The following CAB39 variants were observed in gnomAD, a reference collection of about 807,000 sequenced individuals.
CAB39 encodes the protein calcium binding protein 39.
CAB39 carries 8 observed loss-of-function variants against 40.0 expected under a neutral mutation model. The observed-to-expected ratio is 0.20, with a 90% CI of 0.12 to 0.36. The LOEUF (loss-of-function observed/expected upper bound fraction) is 0.36. Ranked by LOEUF, CAB39 falls within the 10% of genes least tolerant of loss-of-function variation. CAB39 has a pLI of 1.00. For missense variants in CAB39, 270 were observed against 401.1 expected, an observed-to-expected ratio of 0.67 and a Z score of 2.79; for synonymous variants, 156 against 141.6, an observed-to-expected ratio of 1.10 and a Z score of -0.72.
At chr2:230,773,349 T>TGTGTG (rs1553673089) in intron 2 of CAB39, among the ~76,000 whole-genome samples, 5 of 150,456 alleles carry the variant, frequency 3.3e-5, no homozygotes, top group Admixed American at 6.7e-5. Context: ...TGTGTGTGTG[T>TGTGTG]TACATTAGGT....
chr2:230,807,058 T>C (rs1187153433), intron 5 of CAB39, among the ~76,000 whole-genome samples: 1 of 152,290 alleles, frequency 6.6e-6, no homozygotes. Flanking sequence ...TGGCATAGAC[T>C]GGAATTCAGA....
In CAB39 at chr2:230,809,709, C is replaced by T. The variant is rs1289427715; in HGVS notation, c.568-554C>T. On this transcript the variant is annotated intron_variant, in intron 5 of 8. Transcript: ENST00000258418. ...AGGTTCACAGTCGTTGTTAATTCTA[C>T]GTTATCGTACCAACATTCTGCTTAC... Among the ~76,000 whole-genome samples the T allele has an allele frequency of 2.6e-5, 4 of 151,706 alleles. No homozygotes were observed. In the South Asian group the frequency reaches 8.5e-4, roughly 32 times the overall value.
intron 1 of CAB39, among the ~76,000 whole-genome samples, chr2:230,745,274 G>A (rs1694952166): frequency 1.3e-5 from 2 of 152,148 alleles, no homozygotes; most frequent in African/African-American, 4.8e-5. Flanking sequence ...GCTAACAATG[G>A]TCTACCTTTA....
At chr2:230,748,831 A>AAAAAAATATAT (rs1386799920) in intron 1 of CAB39, among the ~76,000 whole-genome samples, 12 of 28,504 alleles carry the variant, frequency 4.2e-4, no homozygotes, top group Admixed American at 1.3e-3. Context: ...AAAAAAAAAA[A>AAAAAAATATAT]ATATATATAT....
intron 4 of CAB39, among the ~76,000 whole-genome samples, chr2:230,795,132 C>T (rs1481443078): frequency 5.3e-5 from 8 of 152,074 alleles, no homozygotes; most frequent in African/African-American, 9.6e-5. Context: ...AAAAATTAGC[C>T]GGGTGTGGTG....
At chr2:230,751,307 C>G (rs189590206) in intron 1 of CAB39, among the ~76,000 whole-genome samples, 1 of 152,284 alleles carries the variant, frequency 6.6e-6, no homozygotes, top group African/African-American at 2.4e-5. Flanking sequence ...AGCAGTTTTT[C>G]ATTATTGTCT....
chr2:230,816,973 G>T (rs1307451084), intron 7 of CAB39, among the ~76,000 whole-genome samples: 1 of 152,226 alleles, frequency 6.6e-6, no homozygotes, highest in African/African-American at 2.4e-5. Context: ...TGCACACTCA[G>T]CCTTGGCCAG....
At chr2:230,721,994 A>G (rs371577531) in intron 1 of CAB39, among the ~76,000 whole-genome samples, 15 of 151,758 alleles carry the variant, frequency 9.9e-5, no homozygotes, top group African/African-American at 3.4e-4. Flanking sequence ...TTCGGATGAT[A>G]ATTTTTTGTC....
chr2:230,807,593 A>G (rs1696223336), intron 5 of CAB39, among the ~76,000 whole-genome samples: 1 of 152,134 alleles, frequency 6.6e-6, no homozygotes, highest in Admixed American at 6.5e-5. Flanking sequence ...CCAGATGGTA[A>G]CACATAGAAT....
At chr2:230,815,406 G>A (rs2124985848) in intron 7 of CAB39, among the ~76,000 whole-genome samples, 1 of 152,338 alleles carries the variant, frequency 6.6e-6, no homozygotes, top group East Asian at 1.9e-4. Flanking sequence ...ACATCAGTGT[G>A]TGAGAGAGTG....
intron 1 of CAB39, among the ~76,000 whole-genome samples, chr2:230,725,721 T>G (rs1451247632): frequency 6.6e-6 from 1 of 152,170 alleles, no homozygotes; most frequent in Non-Finnish European, 1.5e-5. Flanking sequence ...CAGAAACAGA[T>G]GAGGTCAAGT....
chr2:230,773,509 T>C (rs1466651473), intron 2 of CAB39, among the ~76,000 whole-genome samples: 1 of 152,102 alleles, frequency 6.6e-6, no homozygotes, highest in East Asian at 1.9e-4. Flanking sequence ...ATACTTGAAA[T>C]ACACTATTGA....
intron 1 of CAB39, among the ~76,000 whole-genome samples, chr2:230,731,693 C>G (rs1215963783): frequency 6.6e-6 from 1 of 152,070 alleles, no homozygotes; most frequent in Non-Finnish European, 1.5e-5. Context: ...GACACGGGGT[C>G]TTGCTATGTT....
rs185156717 is a variant in CAB39 at position 230,802,095 on chromosome 2, A to C, written c.567+3198A>C. On this transcript the variant is annotated intron_variant, in intron 5 of 8. Coordinates refer to ENST00000258418, the MANE Select transcript of CAB39 (RefSeq NM_016289.4). ...GTAAGGTTCTAGAAAGTATGTCTAAAGAGATGGTTTCTGCCACTCAAAACC... is the reference window on the plus strand; with the variant it reads ...GTAAGGTTCTAGAAAGTATGTCTAACGAGATGGTTTCTGCCACTCAAAACC... Among the ~76,000 whole-genome samples the C allele has an allele frequency of 5.3e-4, 80 of 152,312 alleles. 1 individual carries two copies. The highest frequency in any genetic ancestry group is 9.4e-4 in the Non-Finnish European group (64 of 68,026).
rs369908170 is a variant in CAB39 at position 230,818,512 on chromosome 2, G to T, written c.838-4G>T. 1.9e-6 allele frequency: 3 copies of T among 1,612,656 alleles called. No individual in the cohort carries two copies. Among genetic ancestry groups the T allele is most frequent in the African/African-American group, 1.3e-5 (1 of 74,816 alleles). On this transcript the variant is annotated splice_polypyrimidine_tract_variant and splice_region_variant and intron_variant, in intron 8 of 8. Transcript: ENST00000258418. ...GTGCCTCATGTGCGTTTCTCTCCAC[G>T]CAGGTGTTTGTAGCCAATCCTAACA...
At chr2:230,742,213 C>T (rs575860242) in intron 1 of CAB39, among the ~76,000 whole-genome samples, 13 of 152,034 alleles carry the variant, frequency 8.6e-5, no homozygotes, top group East Asian at 1.9e-4. Flanking sequence ...CTTGCTCTGT[C>T]GCCCAGGCTG....
At chr2:230,810,504 TTTTTGATTGACATACTGCCC>T (rs1020243985) in intron 6 of CAB39, among the ~76,000 whole-genome samples, 182 bp downstream of exon 6, 2 of 152,258 alleles carry the variant, frequency 1.3e-5, no homozygotes, top group African/African-American at 4.8e-5. Context: ...GAAGTAGATC[TTTTTGATTGACATACTGCCC>T]TTTGAAGCTT....
In CAB39 at chr2:230,725,861, T is replaced by TA. The variant is rs533485980; in HGVS notation, c.-44+12632dup. The stretch of plus-strand genomic sequence containing the variant: ...GCAAGAAAATTAGGAAAGTTAAAAG[T>TA]ACAGTTTTTCCATAAAAGGAAAAGA... On this transcript the variant is annotated intron_variant, in intron 1 of 8. Transcript: ENST00000258418. Among the ~76,000 whole-genome samples the TA allele has an allele frequency of 7.8e-4, 119 of 152,344 alleles. 1 individual carries two copies. Among genetic ancestry groups the TA allele is most frequent in the Non-Finnish European group, 1.2e-3 (85 of 68,024 alleles).
intron 2 of CAB39, among the ~76,000 whole-genome samples, chr2:230,782,144 G>A (rs962399107): frequency 3.9e-5 from 6 of 152,182 alleles, no homozygotes; most frequent in African/African-American, 1.4e-4. Flanking sequence ...AGGATTACAG[G>A]CATGAGCCAC....
Sources: allele counts gnomAD v4.1 joint callset (sites outside exome capture counted in the v4.1 genomes callset), GRCh38; gene constraint gnomAD v4.1.1; transcripts MANE v1.5; gene names NCBI Gene and HGNC (gene_info 2026-07-23, HGNC 2026-07-21).